The following CTNND2 variants were observed in gnomAD, a reference collection of about 807,000 sequenced individuals.
The protein encoded by CTNND2 is catenin delta 2, also known as catenin delta-2.
CTNND2 carries 22 observed loss-of-function variants against 144.4 expected under a neutral mutation model. That is an observed-to-expected ratio of 0.15 (90% CI 0.11 to 0.22). The LOEUF (loss-of-function observed/expected upper bound fraction) is 0.22. CTNND2 is among the 10% of genes least tolerant of loss of function. The pLI is 1.00. For missense variants in CTNND2, 1,353 were observed against 1,618.8 expected (o/e 0.84, Z 2.82); for synonymous variants, 751 against 695.6 (o/e 1.08, Z -1.25).
chr5:11,429,492 CG>C (rs1763086203), intron 3 of CTNND2, among the ~76,000 whole-genome samples: 1 of 152,094 alleles, frequency 6.6e-6, no homozygotes, highest in Admixed American at 6.5e-5. Context: ...TGAAGCAGCT[CG>C]GGAAATTCGC....
At chr5:11,597,475 A>G (rs988525825) in intron 2 of CTNND2, among the ~76,000 whole-genome samples, 2 of 152,188 alleles carry the variant, frequency 1.3e-5, no homozygotes, top group East Asian at 3.8e-4. Flanking sequence ...ATTTAGCTCT[A>G]CAGATTTATG....
chr5:11,595,810 T>C (rs1044548559), intron 2 of CTNND2, among the ~76,000 whole-genome samples: 10 of 152,158 alleles, frequency 6.6e-5, no homozygotes, highest in Non-Finnish European at 1.0e-4. Flanking sequence ...ACGACAACGA[T>C]TGCCAGAAAA....
rs964389280 is a variant in CTNND2, at chr5:11,724,317, G to A, written c.174+7819C>T. Among the ~76,000 whole-genome samples, 3 of 152,026 alleles carry A rather than the reference G, an allele frequency of 2.0e-5. No individual in the cohort carries two copies. The South Asian group carries it at 6.2e-4, about 32-fold the overall frequency. ...GGGGGGCATTCCAGTGGAGGGATGA[G>A]GTGTTGTTTTCAATATGAGCAGAGC... On this transcript the variant is annotated intron_variant, in intron 2 of 21. Coordinates refer to ENST00000304623, the MANE Select transcript of CTNND2 (RefSeq NM_001332.4).
chr5:11,579,861 T>C (rs1412764043), intron 2 of CTNND2, among the ~76,000 whole-genome samples: 1 of 152,188 alleles, frequency 6.6e-6, no homozygotes, highest in African/African-American at 2.4e-5. Context: ...TGATCACCAC[T>C]GGCCTCCCCG....
intron 8 of CTNND2, among the ~76,000 whole-genome samples, chr5:11,362,774 A>G (rs1756596604): frequency 6.6e-6 from 1 of 152,232 alleles, no homozygotes; most frequent in South Asian, 2.1e-4. Context: ...CGGTAGGAAA[A>G]AAACACTTGT....
chr5:11,346,694 C>A (rs1270175903), intron 8 of CTNND2, 67 bp from the exon 9 acceptor site: 4 of 1,374,682 alleles, frequency 2.9e-6, no homozygotes, highest in Non-Finnish European at 3.8e-6. Context: ...TTAACCAGGT[C>A]TAGGCAGGGG....
intron 1 of CTNND2, among the ~76,000 whole-genome samples, chr5:11,829,244 AAG>A (rs1793760654): frequency 6.6e-6 from 1 of 152,344 alleles, no homozygotes; most frequent in Admixed American, 6.5e-5. Context: ...AAAGAAATCC[AAG>A]CTTCTGGCAG....
chr5:11,680,595 A>G (rs1784384329), intron 2 of CTNND2, among the ~76,000 whole-genome samples: 1 of 152,324 alleles, frequency 6.6e-6, no homozygotes, highest in Non-Finnish European at 1.5e-5. Context: ...TTATCATACT[A>G]AAATGTGCAT....
Position 11,674,661 on chromosome 5 carries a change from A to G in CTNND2, c.174+57475T>C, listed in dbSNP as rs562355790. Among the ~76,000 whole-genome samples, 6 of 152,332 alleles carry G rather than the reference A, an allele frequency of 3.9e-5. No individual in the cohort carries two copies. In the East Asian group the frequency reaches 9.6e-4, roughly 24 times the overall value. The stretch of plus-strand genomic sequence containing the variant: ...TGTAGCGTTAGAGTTGTTTCATTAG[A>G]AGTGGGATTGCGGAGTCAAAAGGTA... On this transcript the variant is annotated intron_variant, in intron 2 of 21. Coordinates refer to ENST00000304623, the MANE Select transcript of CTNND2 (RefSeq NM_001332.4).
At chr5:11,496,098 C>T (rs1160036778) in intron 3 of CTNND2, among the ~76,000 whole-genome samples, 1 of 152,186 alleles carries the variant, frequency 6.6e-6, no homozygotes, top group Non-Finnish European at 1.5e-5. Context: ...CAAGTGAACA[C>T]AATCCCCCCA....
chr5:11,551,772 T>G (rs1181837685), intron 3 of CTNND2, among the ~76,000 whole-genome samples: 2 of 152,102 alleles, frequency 1.3e-5, no homozygotes, highest in Non-Finnish European at 2.9e-5. Context: ...CTAATTTTTT[T>G]GTATTTTTAG....
At chr5:11,589,418 T>C (rs930474197) in intron 2 of CTNND2, among the ~76,000 whole-genome samples, 8 of 152,272 alleles carry the variant, frequency 5.3e-5, no homozygotes, top group African/African-American at 1.9e-4. Flanking sequence ...CAAGATTGTT[T>C]AGAGTTCATA....
chr5:11,322,494 C>T lies in CTNND2; in HGVS notation c.1628+23878G>A, dbSNP rs550938427. On this transcript the variant is annotated intron_variant, in intron 9 of 21. Transcript: ENST00000304623. ...GGTGATATAAATGCACTATCCCACACAAGAGTTCCACTGAAGTGTCATTTC... is the reference window on the plus strand; with the variant it reads ...GGTGATATAAATGCACTATCCCACATAAGAGTTCCACTGAAGTGTCATTTC... Among the ~76,000 whole-genome samples the T allele has an allele frequency of 2.6e-5, 4 of 152,320 alleles. No individual in the cohort carries two copies. The East Asian group carries it at 5.8e-4, about 22-fold the overall frequency.
chr5:11,497,447 G>C (rs1456995707), intron 3 of CTNND2, among the ~76,000 whole-genome samples: 4 of 138,370 alleles, frequency 2.9e-5, no homozygotes, highest in Non-Finnish European at 1.5e-5. Context: ...AGACCACTTT[G>C]AGAGTGGCAC....
chr5:11,269,481 C>A lies in CTNND2; in HGVS notation c.1629-32658G>T, dbSNP rs181115150. 6.6e-5 allele frequency among the ~76,000 whole-genome samples: 10 copies of A among 152,268 alleles called. No homozygotes were observed. The East Asian group carries it at 1.9e-3, about 29-fold the overall frequency. On this transcript the variant is annotated intron_variant, in intron 9 of 21. Transcript: ENST00000304623. ...CACTGTCTCTTCACTTCAGAAGGAT[C>A]TAGATTTCAGGCTACATTTGCATTG...
intron 9 of CTNND2, among the ~76,000 whole-genome samples, chr5:11,293,463 A>G (rs1359875385): frequency 6.6e-6 from 1 of 152,212 alleles, no homozygotes; most frequent in East Asian, 1.9e-4. Flanking sequence ...CATTTAAAAT[A>G]AAATAACTCA....
chr5:11,168,290 T>A (rs1759551588), intron 11 of CTNND2, among the ~76,000 whole-genome samples: 1 of 152,182 alleles, frequency 6.6e-6, no homozygotes, highest in African/African-American at 2.4e-5. Context: ...CCAAACTGGA[T>A]GCCTATCTGC....
chr5:11,901,661 T>G (rs1053029032), intron 1 of CTNND2, among the ~76,000 whole-genome samples: 33 of 152,166 alleles, frequency 2.2e-4, no homozygotes, highest in African/African-American at 7.0e-4. Context: ...ACTATGACAA[T>G]TTTATTAGGG....
chr5:11,735,647 A>G (rs1787640975), intron 1 of CTNND2, among the ~76,000 whole-genome samples: 1 of 152,160 alleles, frequency 6.6e-6, no homozygotes, highest in Non-Finnish European at 1.5e-5. Flanking sequence ...GGTTTTGCCC[A>G]TGCTGTTCTC....
Sources: gnomAD v4.1 joint callset for allele counts (sites outside exome capture counted in the v4.1 genomes callset) on GRCh38, gnomAD v4.1.1 for gene constraint, MANE v1.5 for transcripts, NCBI Gene and HGNC (gene_info 2026-07-23, HGNC 2026-07-21) for gene names.